The following IL31RA variants were observed in gnomAD, a reference collection of about 807,000 sequenced individuals.
IL31RA encodes the protein interleukin-31 receptor subunit alpha.
Under a neutral mutation model 83.7 loss-of-function variants are expected in IL31RA, and 66 were observed. That is an observed-to-expected ratio of 0.79 (90% CI 0.65 to 0.97). IL31RA has a LOEUF of 0.97. IL31RA is among the 50% of genes least tolerant of loss of function. The pLI, the probability that IL31RA is intolerant of heterozygous loss-of-function variation, is 0.00. For synonymous variants in IL31RA, 325 were observed against 329.0 expected, an observed-to-expected ratio of 0.99 and a Z score of 0.13; for missense variants, 798 against 919.4, an observed-to-expected ratio of 0.87 and a Z score of 1.71.
chr5:55,877,121 A>G (rs962679515), intron 4 of IL31RA, among the ~76,000 whole-genome samples: 4 of 149,954 alleles, frequency 2.7e-5, no homozygotes, highest in Admixed American at 6.6e-5. Context: ...CCTTTGGTGT[A>G]TTTTCTATAG....
the IL31RA span, chr5:55,840,058 C>A: frequency 2.5e-6 from 1 of 397,438 alleles, no homozygotes; most frequent in East Asian, 5.0e-5. Context: ...CAAAACAGAC[C>A]AGACACCTGA....
rs376508362 is a variant in IL31RA, at chr5:55,859,518, C to T, written c.73C>T (p.Gln25Ter). ...CECPQNILSP[Q>*]PSCVNLGMMW... ...CTGATGTCATTTTCAGCTCTCTCCC[C>T]AGCCTTCATGTGTTAACCTGGGGAT... The change falls in exon 2 of 15, where the codon CAG becomes TAG. Residue 25 changes from glutamine to a stop codon, truncating the protein, a stop_gained. Coordinates refer to ENST00000652347, the MANE Select transcript of IL31RA (RefSeq NM_139017.7). LOFTEE classifies it high-confidence loss of function. The T allele has an allele frequency of 6.2e-7, 1 of 1,613,644 alleles. No homozygotes were observed. Among genetic ancestry groups the T allele is most frequent in the African/African-American group, 1.3e-5 (1 of 75,018 alleles).
intron 6 of IL31RA, among the ~76,000 whole-genome samples, chr5:55,891,845 C>T (rs530327415): frequency 5.3e-4 from 67 of 127,118 alleles, no homozygotes; most frequent in African/African-American, 1.6e-3. Flanking sequence ...GTGTGATCTC[C>T]GCTCACCGCA....
At chr5:55,913,728 T>G (rs1749631988) in intron 13 of IL31RA, among the ~76,000 whole-genome samples, 158 bp downstream of exon 13, 1 of 152,250 alleles carries the variant, frequency 6.6e-6, no homozygotes, top group Admixed American at 6.5e-5. Flanking sequence ...AAGGCCACGC[T>G]CAGTGGCTCA....
intron 13 of IL31RA, among the ~76,000 whole-genome samples, chr5:55,914,614 C>A (rs2112588472): frequency 6.6e-6 from 1 of 152,284 alleles, no homozygotes; most frequent in South Asian, 2.1e-4. Context: ...GGAAGATAGG[C>A]TTTGTATGGG....
At chr5:55,860,138 G>A (rs1745586208) in intron 2 of IL31RA, among the ~76,000 whole-genome samples, 1 of 152,186 alleles carries the variant, frequency 6.6e-6, no homozygotes. Context: ...GGAGGCTGAG[G>A]CGGGCAGATT....
chr5:55,893,137 C>A (rs550346075), intron 6 of IL31RA, among the ~76,000 whole-genome samples: 2 of 152,308 alleles, frequency 1.3e-5, no homozygotes, highest in African/African-American at 4.8e-5. Flanking sequence ...GAGTTACTTA[C>A]CTATATTTAG....
At chr5:55,912,991 G>T (rs1452728132) in intron 12 of IL31RA, among the ~76,000 whole-genome samples, 1 of 152,114 alleles carries the variant, frequency 6.6e-6, no homozygotes, top group Non-Finnish European at 1.5e-5. Context: ...AAATTAAAAA[G>T]TAAGTGCTCA....
chr5:55,853,479 C>G, intron 1 of IL31RA: 1 of 1,549,354 alleles, frequency 6.5e-7, no homozygotes, highest in South Asian at 1.2e-5. Context: ...TCTTCCTGTC[C>G]TGACTTGTGC....
the IL31RA span, among the ~76,000 whole-genome samples, chr5:55,842,298 T>C: frequency 7.5e-4 from 114 of 152,356 alleles, no homozygotes; most frequent in African/African-American, 2.5e-3. Flanking sequence ...ACCTTAATTA[T>C]ATCAGCAAAG....
the IL31RA span, among the ~76,000 whole-genome samples, chr5:55,842,680 T>C: frequency 6.6e-6 from 1 of 152,240 alleles, no homozygotes; most frequent in Non-Finnish European, 1.5e-5. Context: ...TATAGCACTT[T>C]GTTTACGTGT....
intron 7 of IL31RA, among the ~76,000 whole-genome samples, chr5:55,897,831 C>T (rs959052538): frequency 2.6e-5 from 4 of 152,192 alleles, no homozygotes; most frequent in Non-Finnish European, 5.9e-5. Flanking sequence ...AGAATTCCTT[C>T]GTGTGCCTCC....
chr5:55,848,173 C>T (rs1298688166), upstream of IL31RA, among the ~76,000 whole-genome samples: 2 of 152,218 alleles, frequency 1.3e-5, no homozygotes, highest in African/African-American at 4.8e-5. Context: ...TCAAGTCTAG[C>T]ATACCCTGAA....
At chr5:55,888,796 C>G (rs190556283) in intron 5 of IL31RA, among the ~76,000 whole-genome samples, 2 of 152,298 alleles carry the variant, frequency 1.3e-5, no homozygotes, top group Admixed American at 1.3e-4. Context: ...ATTTAGCCCC[C>G]AAAGTGTCAT....
intron 2 of IL31RA, among the ~76,000 whole-genome samples, chr5:55,860,649 A>G (rs889831739): frequency 1.3e-5 from 2 of 152,248 alleles, no homozygotes; most frequent in African/African-American, 4.8e-5. Context: ...ATAGTGTTCC[A>G]ACTCAAGACT....
At chr5:55,904,953 T>C (rs554502453) in intron 8 of IL31RA, among the ~76,000 whole-genome samples, 1 of 151,700 alleles carries the variant, frequency 6.6e-6, no homozygotes, top group East Asian at 1.9e-4. Context: ...CCCAGCACTT[T>C]GGGAGACCGA....
chr5:55,851,676 A>G (rs758435646), intron 1 of IL31RA, 43 bp downstream of exon 1: 2 of 1,613,762 alleles, frequency 1.2e-6, no homozygotes, highest in African/African-American at 1.3e-5. Context: ...CCTAGCAAGT[A>G]GGTGAATTCA....
Position 55,899,939 on chromosome 5 carries a change from A to G in IL31RA, c.876A>G (p.Leu292=). ...LWKKARGAPV[L]EKTLGYNIWY... ...AGAAGGCAAGAGGAGCCCCAGTCCT[A>G]GAGAAAACACTTGGCTACAACATAT... The change falls in exon 8 of 15, where the codon CTA becomes CTG. Residue 292 remains leucine (L), a synonymous_variant. Coordinates refer to ENST00000652347, the MANE Select transcript of IL31RA (RefSeq NM_139017.7). The G allele has an allele frequency of 6.2e-7, 1 of 1,614,130 alleles. No homozygotes were observed. Among genetic ancestry groups the G allele is most frequent in the Admixed American group, 1.7e-5 (1 of 60,030 alleles).
chr5:55,853,384 G>A (rs1745167817), intron 1 of IL31RA: 1 of 1,380,616 alleles, frequency 7.2e-7, no homozygotes, highest in African/African-American at 1.5e-5. Flanking sequence ...CTTGGGCTGG[G>A]CTTAAAAGCA....
Sources: allele counts gnomAD v4.1 joint callset (sites outside exome capture counted in the v4.1 genomes callset), GRCh38; gene constraint gnomAD v4.1.1; transcripts MANE v1.5; gene names NCBI Gene and HGNC (gene_info 2026-07-23, HGNC 2026-07-21).